Variants in CFAP43 observed in about 807,000 individuals in gnomAD.
The protein encoded by CFAP43 is cilia- and flagella-associated protein 43.
A neutral mutation model predicts 218.9 loss-of-function variants in CFAP43; 155 were observed. That is an observed-to-expected ratio of 0.71 (90% confidence interval 0.62 to 0.81). The LOEUF is 0.81. CFAP43 is among the 30% of genes least tolerant of loss of function. The probability of loss-of-function intolerance (pLI) is 0.00; values close to 1 mark genes in which losing one functional copy is unlikely to be tolerated. For synonymous variants in CFAP43, 645 were observed against 681.3 expected, an observed-to-expected ratio of 0.95 and a Z score of 0.83; for missense variants, 1,778 against 1,954.3, an observed-to-expected ratio of 0.91 and a Z score of 1.70.
At chr10:104,152,807 G>C in intron 27 of CFAP43, 81 bp from the exon 28 acceptor site, 1 of 1,496,300 alleles carries the variant, frequency 6.7e-7, no homozygotes, top group Non-Finnish European at 8.9e-7. Context: ...TCACCACAAG[G>C]GAGGGGCAGA....
At chr10:104,203,353 A>G (rs775041099) in intron 8 of CFAP43, 44 of 328,246 alleles carry the variant, frequency 1.3e-4, no homozygotes, top group Non-Finnish European at 2.3e-4. Flanking sequence ...TGTTAACACC[A>G]TAAGCGGAGA....
At chr10:104,192,123 T>C (rs902799280) in intron 12 of CFAP43, 76 bp downstream of exon 12, 6 of 1,143,292 alleles carry the variant, frequency 5.2e-6, no homozygotes, top group Non-Finnish European at 7.5e-6. Flanking sequence ...ATATTCAATA[T>C]GAAAAGTCCA....
intron 37 of CFAP43, among the ~76,000 whole-genome samples, 157 bp from the exon 38 acceptor site, chr10:104,130,462 A>T (rs1040508810): frequency 1.3e-5 from 2 of 152,224 alleles, no homozygotes; most frequent in Non-Finnish European, 2.9e-5. Context: ...AAAGACATGG[A>T]GTCACCCTAG....
At chr10:104,172,602 A>C in intron 19 of CFAP43, 67 bp from the exon 20 acceptor site, 1 of 1,351,786 alleles carries the variant, frequency 7.4e-7, no homozygotes, top group Non-Finnish European at 9.8e-7. Flanking sequence ...TAATTTTCTT[A>C]GTTTCTTTTA....
intron 28 of CFAP43, among the ~76,000 whole-genome samples, chr10:104,149,313 G>A (rs748120413): frequency 1.3e-5 from 2 of 152,140 alleles, no homozygotes; most frequent in South Asian, 2.1e-4. Context: ...CTCAACGCCC[G>A]GGTCCATTAA....
intron 15 of CFAP43, 44 bp from the exon 16 acceptor site, chr10:104,185,190 C>A: frequency 6.2e-7 from 1 of 1,610,068 alleles, no homozygotes; most frequent in South Asian, 1.1e-5. Context: ...AAATGCAATT[C>A]TACCACACGG....
chr10:104,213,814 C>A (rs975475644), intron 4 of CFAP43, among the ~76,000 whole-genome samples: 2 of 152,184 alleles, frequency 1.3e-5, no homozygotes, highest in African/African-American at 4.8e-5. Flanking sequence ...GGACTACAGG[C>A]GTGAGCCACT....
intron 1 of CFAP43, among the ~76,000 whole-genome samples, chr10:104,231,214 G>A (rs542665311): frequency 1.3e-5 from 2 of 152,090 alleles, no homozygotes; most frequent in South Asian, 4.2e-4. Context: ...TGGCATCCTG[G>A]GCCATTCTTT....
chr10:104,172,294 A>T, intron 20 of CFAP43, 116 bp downstream of exon 20: 1 of 1,310,512 alleles, frequency 7.6e-7, no homozygotes, highest in Non-Finnish European at 1.0e-6. Flanking sequence ...CTTTATTCAC[A>T]TTATACTGAA....
intron 1 of CFAP43, among the ~76,000 whole-genome samples, chr10:104,231,894 G>C (rs1161123317): frequency 1.3e-5 from 2 of 152,034 alleles, no homozygotes; most frequent in Non-Finnish European, 2.9e-5. Flanking sequence ...AGAAGGAAGA[G>C]ATGAAGGGTG....
chr10:104,146,929 C>T (rs2088004738), intron 29 of CFAP43, among the ~76,000 whole-genome samples: 1 of 152,114 alleles, frequency 6.6e-6, no homozygotes, highest in African/African-American at 2.4e-5. Context: ...CTCTAGCTTC[C>T]TCATGCCAAC....
At chr10:104,154,695 G>A (rs1024594281) in intron 27 of CFAP43, among the ~76,000 whole-genome samples, 1 of 152,168 alleles carries the variant, frequency 6.6e-6, no homozygotes, top group Non-Finnish European at 1.5e-5. Context: ...GGCCTTTTGA[G>A]GGTCTCTGGT....
At chr10:104,143,308 A>G in intron 32 of CFAP43, 118 bp downstream of exon 32, 1 of 871,334 alleles carries the variant, frequency 1.1e-6, no homozygotes, top group Non-Finnish European at 1.7e-6. Context: ...TACTATGACC[A>G]AATACTACCC....
At chr10:104,200,018 T>A (rs2090486384) in intron 8 of CFAP43, among the ~76,000 whole-genome samples, 1 of 152,110 alleles carries the variant, frequency 6.6e-6, no homozygotes, top group South Asian at 2.1e-4. Flanking sequence ...TCCCCAAACC[T>A]CCATGATTTA....
rs560140351 is a variant in CFAP43, at chr10:104,164,027, T to G, written c.3246+67A>C. The G allele has an allele frequency of 5.7e-5, 89 of 1,548,010 alleles. No homozygotes were observed. In the South Asian group the frequency reaches 1.0e-3, roughly 18 times the overall value. On this transcript the variant is annotated intron_variant, in intron 24 of 37. Coordinates refer to ENST00000357060, the MANE Select transcript of CFAP43 (RefSeq NM_025145.7). ...ATCACTTCCCACAGAGTAACCAAGT[T>G]GAACAAATAGGAGCTGGGGAAAGTC...
intron 6 of CFAP43, among the ~76,000 whole-genome samples, chr10:104,207,448 A>G (rs1163224381): frequency 6.6e-6 from 1 of 152,176 alleles, no homozygotes; most frequent in Non-Finnish European, 1.5e-5. Flanking sequence ...TCTCTTCTGT[A>G]TCGTGGAGAT....
At position 104,140,732 on chromosome 10, in the gene CFAP43, G is replaced by T. The variant is rs935620508; in HGVS notation, c.4431+110C>A. The T allele has an allele frequency of 1.1e-5, 9 of 788,436 alleles. No individual in the cohort carries two copies. In the East Asian group the frequency reaches 2.4e-4, roughly 21 times the overall value. 48.8% of individuals were successfully genotyped at this position (788,436 alleles called of 1,614,324 possible). ...GGAGGTGAAGGTGGGAGGATCTATT[G>T]AGCCTAGCTAAGGGTTAAGGCTGCA... On this transcript the variant is annotated intron_variant, in intron 34 of 37. Transcript: ENST00000357060.
intron 5 of CFAP43, among the ~76,000 whole-genome samples, chr10:104,210,489 C>T (rs538308162): frequency 6.6e-6 from 1 of 152,314 alleles, no homozygotes; most frequent in African/African-American, 2.4e-5. Flanking sequence ...ACCTCAGCCT[C>T]CCGAGTAGCT....
chr10:104,145,215 C>T (rs1203358348), intron 31 of CFAP43, among the ~76,000 whole-genome samples: 3 of 152,200 alleles, frequency 2.0e-5, no homozygotes, highest in Admixed American at 6.5e-5. Context: ...ATGTACAAAG[C>T]AGAATCTACA....
Sources: gnomAD v4.1 joint callset for allele counts (sites outside exome capture counted in the v4.1 genomes callset) on GRCh38, gnomAD v4.1.1 for gene constraint, MANE v1.5 for transcripts, NCBI Gene and HGNC (gene_info 2026-07-23, HGNC 2026-07-21) for gene names.